Variants in ZNF83 observed in about 807,000 individuals in gnomAD.
ZNF83 encodes zinc finger protein 83.
For synonymous variants in ZNF83, 209 were observed against 213.0 expected (o/e 0.98, Z 0.17); for missense variants, 552 against 629.9 (o/e 0.88, Z 1.32).
chr19:52,630,699 T>G (rs658486), intron 2 of ZNF83, among the ~76,000 whole-genome samples: 31 of 151,636 alleles, frequency 2.0e-4, no homozygotes, highest in African/African-American at 7.5e-4. Flanking sequence ...CCCTGGCAAC[T>G]GCTCACATGC....
At chr19:52,638,958 G>C (rs893698878), upstream of ZNF83, among the ~76,000 whole-genome samples, 21 of 152,176 alleles carry the variant, frequency 1.4e-4, no homozygotes, top group African/African-American at 4.8e-4. Context: ...ACCCCCTCCC[G>C]CAGGGCTCCC....
rs139020274 is a variant in ZNF83 at position 52,666,100 on chromosome 19, C to G, written c.-282-5257G>C. Reference sequence around the variant, plus strand: ...AATGGTGTGAACCCGGGAGGCGGAGCTTGCAGTGAGCCAAGATCGCACCAC... The same window carrying G: ...AATGGTGTGAACCCGGGAGGCGGAGGTTGCAGTGAGCCAAGATCGCACCAC... On this transcript the variant is annotated intron_variant, in intron 1 of 5. Transcript: ENST00000594682. Among the ~76,000 whole-genome samples, 1,281 of 147,442 alleles carry G rather than the reference C, an allele frequency of 8.7e-3. 22 individuals carry two copies. Among genetic ancestry groups the G allele is most frequent in the African/African-American group, 0.03 (1,192 of 40,004 alleles).
intron 3 of ZNF83, among the ~76,000 whole-genome samples, chr19:52,646,878 A>G (rs1189861110): frequency 6.6e-6 from 1 of 152,218 alleles, no homozygotes; most frequent in Non-Finnish European, 1.5e-5. Flanking sequence ...AAGCAAGGCC[A>G]CAAGTTATAC....
intron 2 of ZNF83, among the ~76,000 whole-genome samples, chr19:52,620,634 CA>C (rs2060508454): frequency 6.6e-6 from 1 of 152,174 alleles, no homozygotes; most frequent in African/African-American, 2.4e-5. Flanking sequence ...GATGAAATAT[CA>C]GAGTAAAATA....
At chr19:52,687,561 T>TATATATAA in intron 1 of ZNF83, among the ~76,000 whole-genome samples, 1 of 22,772 alleles carries the variant, frequency 4.4e-5, no homozygotes, top group South Asian at 1.1e-3. Context: ...TGTGTAAATT[T>TATATATAA]TATATATATA....
intron 3 of ZNF83, among the ~76,000 whole-genome samples, chr19:52,643,701 T>TA (rs1475899060): frequency 1.4e-5 from 2 of 145,304 alleles, no homozygotes; most frequent in Non-Finnish European, 3.0e-5. Flanking sequence ...AACTCTGTCT[T>TA]AAAAAAGAAA....
intron 2 of ZNF83, among the ~76,000 whole-genome samples, chr19:52,630,334 T>A (rs901721900): frequency 2.6e-5 from 4 of 152,196 alleles, no homozygotes; most frequent in Non-Finnish European, 5.9e-5. Flanking sequence ...GTCTGTCCCC[T>A]TCTTAATCAA....
intron 3 of ZNF83, chr19:52,655,358 T>C: frequency 2.0e-6 from 1 of 502,898 alleles, no homozygotes; most frequent in Non-Finnish European, 3.5e-6. Flanking sequence ...TGTTCATGAA[T>C]GTTCTGTTTT....
In ZNF83 at chr19:52,676,779, C is replaced by T. The variant is rs539798812; in HGVS notation, c.-283+13664G>A. Among the ~76,000 whole-genome samples, 152 of 138,562 alleles carry T rather than the reference C, an allele frequency of 1.1e-3. 1 individual carries two copies. The highest frequency in any genetic ancestry group is 4.1e-3 in the African/African-American group (146 of 35,370). The allele number at this position is 138,562 out of a possible 152,430, so 90.9% of individuals were successfully genotyped here. ...GGGAGACTTTTCATTTTGTTCTGCACTAAGAAAAATTCCTCTGCCTTGGGA... is the reference window on the plus strand; with the variant it reads ...GGGAGACTTTTCATTTTGTTCTGCATTAAGAAAAATTCCTCTGCCTTGGGA... On this transcript the variant is annotated intron_variant, in intron 1 of 5. Coordinates refer to the ZNF83 transcript ENST00000594682.
chr19:52,635,023 G>C lies in ZNF83; in HGVS notation c.-234+43C>G, dbSNP rs756845342. On this transcript the variant is annotated intron_variant, in intron 2 of 2. Coordinates refer to ENST00000301096, the Ensembl canonical transcript of ZNF83. ...CCCAACTCCAAGGCCCAGGGTTTCT[G>C]AAAGGAAAGAGACAGAACAATCCAC... The C allele has an allele frequency of 1.4e-5, 10 of 730,262 alleles. 1 individual carries two copies. The East Asian group carries it at 2.5e-4, about 18-fold the overall frequency. The allele number at this position is 730,262 out of a possible 1,614,324, so 45.2% of individuals were successfully genotyped here.
chr19:52,652,487 C>A, intron 3 of ZNF83: 1 of 442,190 alleles, frequency 2.3e-6, no homozygotes, highest in East Asian at 7.1e-5. Context: ...AGGTTCTCTC[C>A]CATATGAATT....
intron 1 of ZNF83, among the ~76,000 whole-genome samples, chr19:52,676,247 T>G: frequency 6.6e-6 from 1 of 152,158 alleles, no homozygotes. Flanking sequence ...CCTCCCGAGG[T>G]GCCGGGATTG....
intron 1 of ZNF83, among the ~76,000 whole-genome samples, chr19:52,666,910 C>T (rs1329899329): frequency 1.3e-5 from 2 of 152,148 alleles, no homozygotes; most frequent in East Asian, 3.9e-4. Context: ...CTTGCAGAAG[C>T]AGAGTTAGGA....
intron 1 of ZNF83, among the ~76,000 whole-genome samples, chr19:52,678,556 T>C (rs970829261): frequency 2.0e-5 from 3 of 151,968 alleles, no homozygotes; most frequent in South Asian, 2.1e-4. Flanking sequence ...TTTGAAGTCA[T>C]ATCCCTGGAC....
chr19:52,626,493 T>C (rs1030573244), intron 2 of ZNF83, among the ~76,000 whole-genome samples: 1 of 152,176 alleles, frequency 6.6e-6, no homozygotes, highest in Non-Finnish European at 1.5e-5. Context: ...ACAGGACCCA[T>C]CTGGACACTT....
intron 1 of ZNF83, among the ~76,000 whole-genome samples, chr19:52,661,028 C>T (rs2061573120): frequency 6.6e-6 from 1 of 151,920 alleles, no homozygotes; most frequent in Admixed American, 6.6e-5. Context: ...CGATGCACAG[C>T]TAATTTTTGT....
At chr19:52,626,765 C>A (rs1421236143) in intron 2 of ZNF83, among the ~76,000 whole-genome samples, 1 of 152,150 alleles carries the variant, frequency 6.6e-6, no homozygotes, top group Non-Finnish European at 1.5e-5. Context: ...CCACGCAGCT[C>A]CTAATCTCAC....
intron 2 of ZNF83, among the ~76,000 whole-genome samples, chr19:52,619,626 C>CA (rs34008173): frequency 0.11 from 12,768 of 111,624 alleles, 568 homozygotes; most frequent in Non-Finnish European, 0.13. Context: ...ACTCCATCTC[C>CA]AAAAAAAAAA....
intron 1 of ZNF83, among the ~76,000 whole-genome samples, chr19:52,685,581 G>A (rs373343330): frequency 3.3e-5 from 5 of 152,152 alleles, no homozygotes; most frequent in Middle Eastern, 3.4e-3. Flanking sequence ...GAACTAAGAC[G>A]TAAGCGAACT....
Sources: gnomAD v4.1 joint callset for allele counts (sites outside exome capture counted in the v4.1 genomes callset) on GRCh38, gnomAD v4.1.1 for gene constraint, MANE v1.5 for transcripts, NCBI Gene and HGNC (gene_info 2026-07-23, HGNC 2026-07-21) for gene names.